The following CRACDL variants were observed in gnomAD, a reference collection of about 807,000 sequenced individuals.
CRACDL encodes the protein CRACD-like protein.
A neutral mutation model predicts 70.6 loss-of-function variants in CRACDL; 26 were observed. The observed-to-expected ratio is 0.37, with a 90% CI of 0.27 to 0.51. The LOEUF is 0.51. CRACDL is among the 20% of genes least tolerant of loss of function. CRACDL has a pLI of 0.94. For synonymous variants in CRACDL, 618 were observed against 615.2 expected (o/e 1.00, Z -0.07); for missense variants, 1,283 against 1,376.9 (o/e 0.93, Z 1.08).
Position 98,929,211 on chromosome 2 carries a change from T to C in CRACDL, c.-11+6727A>G, listed in dbSNP as rs542575618. 1.3e-3 allele frequency among the ~76,000 whole-genome samples: 204 copies of C among 152,282 alleles called. 1 individual carries two copies. Among genetic ancestry groups the C allele is most frequent in the South Asian group, 7.9e-3 (38 of 4,820 alleles). Reference sequence around the variant, plus strand: ...CCAGGAGGGAGGTGTTAAACCCAGGTTAGAAAGCAGGCAAAGAGTGGAGAT... The same window carrying C: ...CCAGGAGGGAGGTGTTAAACCCAGGCTAGAAAGCAGGCAAAGAGTGGAGAT... On this transcript the variant is annotated intron_variant, in intron 1 of 9. Coordinates refer to ENST00000397899, the MANE Select transcript of CRACDL (RefSeq NM_207362.3).
chr2:98,891,407 C>CAAAAAAAAAAAAAAAAAAAAA (rs1707978089), intron 1 of CRACDL, among the ~76,000 whole-genome samples: 1 of 90,458 alleles, frequency 1.1e-5, no homozygotes, highest in Non-Finnish European at 2.2e-5. Context: ...AAAAAAAAAT[C>CAAAAAAAAAAAAAAAAAAAAA]CAAACTTTGG....
In CRACDL at chr2:98,832,375, G is replaced by A. The variant is rs528403100; in HGVS notation, c.513C>T (p.His171=). ...PRSPPEMSLL[H]DVGPGTTIKV... The stretch of plus-strand genomic sequence containing the variant: ...TTATGGTGGTACCAGGACCCACGTC[G>A]TGCAGCAGAGACATCTCTGGGGGGC... The change falls in exon 5 of 10, where the codon CAC becomes CAT. Residue 171 remains histidine, a synonymous_variant. Transcript: ENST00000397899. 12 of 1,614,196 alleles carry A rather than the reference G, an allele frequency of 7.4e-6. No homozygotes were observed. In the African/African-American group the frequency reaches 9.3e-5, roughly 13 times the overall value.
chr2:98,814,156 A>G lies in CRACDL; in HGVS notation c.2416+7701T>C, dbSNP rs564181079. ...TCAATTTTTTTTCTATTATTTTTAT[A>G]TTTTCATTTATGTTTGCTCTTATGT... is the stretch of plus-strand genomic sequence containing the variant. On this transcript the variant is annotated intron_variant, in intron 7 of 9. Coordinates refer to ENST00000397899, the MANE Select transcript of CRACDL (RefSeq NM_207362.3). Among the ~76,000 whole-genome samples the G allele has an allele frequency of 6.0e-5, 9 of 150,796 alleles. 1 individual carries two copies. Among genetic ancestry groups the G allele is most frequent in the Admixed American group, 3.3e-4 (5 of 15,168 alleles).
chr2:98,854,147 T>C (rs991724023), intron 1 of CRACDL, among the ~76,000 whole-genome samples: 1 of 151,146 alleles, frequency 6.6e-6, no homozygotes, highest in Non-Finnish European at 1.5e-5. Context: ...CTGGGCGTGG[T>C]AGTGGGCACC....
At chr2:98,901,755 C>T (rs147773051) in intron 1 of CRACDL, among the ~76,000 whole-genome samples, 2 of 152,084 alleles carry the variant, frequency 1.3e-5, no homozygotes, top group African/African-American at 2.4e-5. Flanking sequence ...ATTGAGTGAA[C>T]CCCCCTGGGT....
intron 1 of CRACDL, among the ~76,000 whole-genome samples, chr2:98,918,365 T>G (rs1708715769): frequency 6.6e-6 from 1 of 151,818 alleles, no homozygotes; most frequent in Non-Finnish European, 1.5e-5. Flanking sequence ...AAACCCTGAC[T>G]CTACTAAAAA....
chr2:98,904,876 G>A lies in CRACDL; in HGVS notation c.-11+31062C>T, dbSNP rs946303481. On this transcript the variant is annotated intron_variant, in intron 1 of 9. Transcript: ENST00000397899. Reference sequence around the variant, plus strand: ...GATGGGGCCTGGTGGGAAGCACTCCGGTCGCGGGGGCGGATCCCTCCTGAA... The same window carrying A: ...GATGGGGCCTGGTGGGAAGCACTCCAGTCGCGGGGGCGGATCCCTCCTGAA... Among the ~76,000 whole-genome samples the A allele has an allele frequency of 1.4e-4, 21 of 152,320 alleles. 1 individual carries two copies. Among genetic ancestry groups the A allele is most frequent in the African/African-American group, 3.1e-4 (13 of 41,570 alleles).
chr2:98,831,452 A>G (rs150394252), intron 5 of CRACDL, among the ~76,000 whole-genome samples: 4 of 152,308 alleles, frequency 2.6e-5, no homozygotes, highest in African/African-American at 9.6e-5. Context: ...TTCACTGTGA[A>G]TGGCCCCTCG....
intron 7 of CRACDL, among the ~76,000 whole-genome samples, chr2:98,812,710 T>G (rs1471817944): frequency 1.3e-5 from 2 of 151,962 alleles, no homozygotes; most frequent in African/African-American, 4.8e-5. Flanking sequence ...GCTGTTTTTT[T>G]GTTTTTTTTT....
chr2:98,927,352 G>A (rs962794666), intron 1 of CRACDL, among the ~76,000 whole-genome samples: 26 of 152,344 alleles, frequency 1.7e-4, no homozygotes, highest in African/African-American at 5.5e-4. Context: ...CTGAGCATGC[G>A]GCCAAGGCCC....
chr2:98,811,559 A>T (rs1281883781), intron 7 of CRACDL, among the ~76,000 whole-genome samples: 3 of 149,062 alleles, frequency 2.0e-5, no homozygotes, highest in Non-Finnish European at 4.5e-5. Flanking sequence ...TCTTACATTT[A>T]TAGATAGTAA....
At chr2:98,860,407 C>T (rs1706892154) in intron 1 of CRACDL, among the ~76,000 whole-genome samples, 1 of 152,180 alleles carries the variant, frequency 6.6e-6, no homozygotes, top group Non-Finnish European at 1.5e-5. Flanking sequence ...TACAAAGCTA[C>T]AGTAATCAGG....
Position 98,904,834 on chromosome 2 carries a change from C to A in CRACDL, c.-11+31104G>T, listed in dbSNP as rs374777165. Among the ~76,000 whole-genome samples, 60 of 152,298 alleles carry A rather than the reference C, an allele frequency of 3.9e-4. 1 individual carries two copies. Among genetic ancestry groups the A allele is most frequent in the Admixed American group, 3.9e-3 (59 of 15,304 alleles). On this transcript the variant is annotated intron_variant, in intron 1 of 9. Coordinates refer to ENST00000397899, the MANE Select transcript of CRACDL (RefSeq NM_207362.3). ...CCCTACCCAATCTCATGTTGAAATG[C>A]GACCCCCAATGTTGGAGATGGGGCC... is the stretch of plus-strand genomic sequence containing the variant.
At chr2:98,810,302 A>G (rs1704501843) in intron 7 of CRACDL, among the ~76,000 whole-genome samples, 1 of 152,164 alleles carries the variant, frequency 6.6e-6, no homozygotes, top group African/African-American at 2.4e-5. Context: ...AGACAAACTT[A>G]GAGAGGCAGA....
At chr2:98,873,883 G>A (rs1371275521) in intron 1 of CRACDL, among the ~76,000 whole-genome samples, 1 of 152,212 alleles carries the variant, frequency 6.6e-6, no homozygotes, top group East Asian at 1.9e-4. Context: ...GCACATGCCT[G>A]TAATCCCAGC....
At chr2:98,871,282 G>A (rs1707337152) in intron 1 of CRACDL, among the ~76,000 whole-genome samples, 1 of 152,232 alleles carries the variant, frequency 6.6e-6, no homozygotes, top group Non-Finnish European at 1.5e-5. Context: ...AGGACTTTGT[G>A]ATAGGACCTC....
chr2:98,928,753 G>A (rs563634437), intron 1 of CRACDL, among the ~76,000 whole-genome samples: 1 of 152,158 alleles, frequency 6.6e-6, no homozygotes, highest in East Asian at 1.9e-4. Flanking sequence ...CACAAAGCAA[G>A]TGACTCAAAC....
chr2:98,844,085 A>G (rs1337129222), intron 2 of CRACDL, among the ~76,000 whole-genome samples: 1 of 152,208 alleles, frequency 6.6e-6, no homozygotes, highest in Non-Finnish European at 1.5e-5. Flanking sequence ...TATTCTTGCT[A>G]CAGAATATTG....
At position 98,874,435 on chromosome 2, in the gene CRACDL, G is replaced by A. The variant is rs148953840; in HGVS notation, c.-10-27625C>T. On this transcript the variant is annotated intron_variant, in intron 1 of 9. Coordinates refer to ENST00000397899, the MANE Select transcript of CRACDL (RefSeq NM_207362.3). ...GAAACCTGAGGGCTATGCCCTAGCC[G>A]GGAGTCAGGAGGCTCCGCACGGGCT... Among the ~76,000 whole-genome samples the A allele has an allele frequency of 5.0e-3, 763 of 152,302 alleles. 4 individuals carry two copies. Among genetic ancestry groups the A allele is most frequent in the Non-Finnish European group, 7.6e-3 (520 of 68,024 alleles).
Sources: allele counts gnomAD v4.1 joint callset (sites outside exome capture counted in the v4.1 genomes callset), GRCh38; gene constraint gnomAD v4.1.1; transcripts MANE v1.5; gene names NCBI Gene and HGNC (gene_info 2026-07-23, HGNC 2026-07-21).